ANKRD31: variants seen among roughly 807,000 people sequenced by gnomAD.
The protein encoded by ANKRD31 is ankyrin repeat domain-containing protein 31.
ANKRD31 carries 147 observed loss-of-function variants against 186.0 expected under a neutral mutation model. That is an observed-to-expected ratio of 0.79 (90% CI 0.69 to 0.91). The LOEUF (loss-of-function observed/expected upper bound fraction) is 0.91, where lower values mean the gene tolerates loss of function less well. Ranked by LOEUF, ANKRD31 falls within the 40% of genes least tolerant of loss-of-function variation. The pLI is 0.00. For missense variants in ANKRD31, 1,986 were observed against 2,148.8 expected (o/e 0.92, Z 1.50); for synonymous variants, 673 against 736.4 (o/e 0.91, Z 1.39).
rs1461623000 is a variant in ANKRD31 at position 75,104,509 on chromosome 5, A to C, written c.5050T>G (p.Ser1684Ala). ...AGAGATTCTGATGCCCCTGTAGGTG[A>C]TTGCTGGGAACTTGTTTTTCTGTTT... ...RGNRKTSSQQ[S>A]PTGASESLAH... The change falls in exon 22 of 26, where the codon TCA becomes GCA. Residue 1684 changes from serine (S) to alanine (A), a missense_variant. Physicochemically the swap from Ser to Ala is moderately conservative, Grantham distance 99 (BLOSUM62 1). Transcript: ENST00000506364. The C allele has an allele frequency of 2.6e-6, 4 of 1,537,070 alleles. No homozygotes were observed. The Admixed American group carries it at 5.9e-5, about 23-fold the overall frequency.
chr5:75,131,006 A>T (rs1168512826), intron 17 of ANKRD31, among the ~76,000 whole-genome samples: 2 of 152,172 alleles, frequency 1.3e-5, no homozygotes, highest in East Asian at 3.9e-4. Context: ...ACAAAGAGAG[A>T]ACGGTGGTCC....
rs1103289 is a variant in ANKRD31 at position 75,134,902 on chromosome 5, A to G, written c.3876+2954T>C. Among the ~76,000 whole-genome samples the G allele has an allele frequency of 3.3e-5, 5 of 152,316 alleles. No homozygotes were observed. In the South Asian group the frequency reaches 1.0e-3, roughly 32 times the overall value. On this transcript the variant is annotated intron_variant, in intron 17 of 25. Coordinates refer to ENST00000506364, the MANE Select transcript of ANKRD31 (RefSeq NM_001372053.1). ...AAACGTAATCAATCATATGAACAGA[A>G]CCAAAGACAAAAACCCCATGATTAT...
intron 11 of ANKRD31, among the ~76,000 whole-genome samples, chr5:75,163,761 T>C (rs563046111): frequency 1.3e-5 from 2 of 152,288 alleles, no homozygotes; most frequent in South Asian, 2.1e-4. Context: ...TGATCAAAGG[T>C]GAAAAGCCAT....
chr5:75,147,163 T>C lies in ANKRD31; in HGVS notation c.2248A>G (p.Ile750Val), dbSNP rs1460846163. Reference protein sequence around the residue: ...VDDVDCNPRKILAVSPSRRIN... With the variant: ...VDDVDCNPRKVLAVSPSRRIN... ...CTCCTGGAAGGAGAGACAGCTAGTA[T>C]CTTTCTTGGATTACAGTCTACATCA... The change falls in exon 14 of 26, where the codon ATA becomes GTA. Residue 750 changes from isoleucine (I) to valine (V), a missense_variant. Ile to Val is a conservative substitution (Grantham distance 29, BLOSUM62 3). Coordinates refer to ENST00000506364, the MANE Select transcript of ANKRD31 (RefSeq NM_001372053.1). 1 of 1,536,196 alleles carries C rather than the reference T, an allele frequency of 6.5e-7. No individual in the cohort carries two copies. Among genetic ancestry groups the C allele is most frequent in the African/African-American group, 1.4e-5 (1 of 72,972 alleles).
At chr5:75,174,930 GTA>G (rs1753667207) in intron 10 of ANKRD31, among the ~76,000 whole-genome samples, 1 of 152,186 alleles carries the variant, frequency 6.6e-6, no homozygotes, top group South Asian at 2.1e-4. Context: ...ACATGCACAT[GTA>G]TGTTTTTTGT....
chr5:75,129,763 G>C lies in ANKRD31; in HGVS notation c.3876+8093C>G, dbSNP rs190193251. Among the ~76,000 whole-genome samples the C allele has an allele frequency of 2.9e-4, 44 of 152,306 alleles. 1 individual carries two copies. In the East Asian group the frequency reaches 7.5e-3, roughly 26 times the overall value. On this transcript the variant is annotated intron_variant, in intron 17 of 25. Transcript: ENST00000506364. Reference sequence around the variant, plus strand: ...TTCTGCATTTCCAACGGAGGTACCAGGTTCATCTCACTGGGGCTTGTCGGA... The same window carrying C: ...TTCTGCATTTCCAACGGAGGTACCACGTTCATCTCACTGGGGCTTGTCGGA...
chr5:75,194,065 T>A (rs1755295493), intron 7 of ANKRD31, among the ~76,000 whole-genome samples: 1 of 152,152 alleles, frequency 6.6e-6, no homozygotes, highest in South Asian at 2.1e-4. Flanking sequence ...TAACAGTGTA[T>A]CAGGAATTGT....
chr5:75,174,169 T>C (rs1753583396), intron 10 of ANKRD31, among the ~76,000 whole-genome samples: 1 of 152,172 alleles, frequency 6.6e-6, no homozygotes, highest in Admixed American at 6.5e-5. Context: ...GAAAACTGGC[T>C]AGCCATATAT....
chr5:75,159,037 T>TA (rs200464255), intron 11 of ANKRD31, among the ~76,000 whole-genome samples: 5,185 of 152,114 alleles, frequency 0.034, 101 homozygotes, highest in Non-Finnish European at 0.048. Context: ...CAGAAAGTTT[T>TA]AAAAAAATCA....
At chr5:75,134,477 C>A (rs1345053585) in intron 17 of ANKRD31, among the ~76,000 whole-genome samples, 1 of 152,066 alleles carries the variant, frequency 6.6e-6, no homozygotes, top group African/African-American at 2.4e-5. Context: ...GAAGTTGAAT[C>A]CCTGAATGGA....
At chr5:75,106,072 A>G (rs1442811036) in intron 21 of ANKRD31, among the ~76,000 whole-genome samples, 1 of 152,176 alleles carries the variant, frequency 6.6e-6, no homozygotes, top group Admixed American at 6.6e-5. Flanking sequence ...AATATCTATC[A>G]GTATTTACTG....
chr5:75,201,259 G>A (rs9293650), intron 5 of ANKRD31, among the ~76,000 whole-genome samples: 77,288 of 152,028 alleles, frequency 0.51, 22,705 homozygotes, highest in African/African-American at 0.82. Flanking sequence ...AAATCATGGC[G>A]TATTACTTGC....
chr5:75,072,641 T>C (rs1306001361), intron 25 of ANKRD31, among the ~76,000 whole-genome samples: 2 of 152,308 alleles, frequency 1.3e-5, no homozygotes, highest in Non-Finnish European at 2.9e-5. Flanking sequence ...TACAGAACTT[T>C]TGAACTCTAA....
At chr5:75,186,530 T>C (rs1286432663) in intron 10 of ANKRD31, among the ~76,000 whole-genome samples, 1 of 152,192 alleles carries the variant, frequency 6.6e-6, no homozygotes, top group Middle Eastern at 3.2e-3. Flanking sequence ...TTCCAATGTG[T>C]TACAGGTATA....
intron 10 of ANKRD31, among the ~76,000 whole-genome samples, chr5:75,175,339 C>T (rs761738470): frequency 3.3e-5 from 5 of 151,916 alleles, no homozygotes; most frequent in Non-Finnish European, 7.4e-5. Flanking sequence ...ATGTAACAAA[C>T]CTGCATGTTG....
chr5:75,226,064 G>A (rs1757607191), intron 2 of ANKRD31, among the ~76,000 whole-genome samples: 1 of 152,202 alleles, frequency 6.6e-6, no homozygotes, highest in Admixed American at 6.5e-5. Context: ...CATGGGGTGA[G>A]GCTCTCCTAC....
intron 15 of ANKRD31, among the ~76,000 whole-genome samples, chr5:75,139,286 GAAT>G (rs140802847): frequency 0.1 from 15,823 of 151,976 alleles, 831 homozygotes; most frequent in East Asian, 0.14. Flanking sequence ...CTTTAATAAT[GAAT>G]AATATTTTTC....
chr5:75,175,713 T>C (rs1266423979), intron 10 of ANKRD31, among the ~76,000 whole-genome samples: 2 of 151,904 alleles, frequency 1.3e-5, no homozygotes, highest in Middle Eastern at 3.4e-3. Context: ...ATAATATTCA[T>C]GCTGGGGTGT....
chr5:75,116,782 G>A, intron 18 of ANKRD31, 101 bp from the exon 19 acceptor site: 1 of 538,240 alleles, frequency 1.9e-6, no homozygotes, highest in Non-Finnish European at 2.9e-6. Flanking sequence ...AGTCAAGTCT[G>A]CAACTATTAT....
Sources: gnomAD v4.1 joint callset for allele counts (sites outside exome capture counted in the v4.1 genomes callset) on GRCh38, gnomAD v4.1.1 for gene constraint, MANE v1.5 for transcripts, NCBI Gene and HGNC (gene_info 2026-07-23, HGNC 2026-07-21) for gene names.